The following SHANK2 variants were observed in gnomAD, a reference collection of about 807,000 sequenced individuals.
The protein encoded by SHANK2 is SH3 and multiple ankyrin repeat domains protein 2.
A neutral mutation model predicts 133.7 loss-of-function variants in SHANK2; 43 were observed. The observed-to-expected ratio is 0.32, with a 90% CI of 0.25 to 0.41. The LOEUF is 0.41. SHANK2 is among the 10% of genes least tolerant of loss of function. SHANK2 has a pLI of 1.00. For missense variants in SHANK2, 1,994 were observed against 2,235.8 expected (o/e 0.89, Z 2.18); for synonymous variants, 1,017 against 952.8 (o/e 1.07, Z -1.24).
At chr11:71,096,327 A>C (rs1951611311) in intron 6 of SHANK2, among the ~76,000 whole-genome samples, 1 of 152,206 alleles carries the variant, frequency 6.6e-6, no homozygotes, top group Non-Finnish European at 1.5e-5. Flanking sequence ...AGGCTCAGCA[A>C]GGGGTGTGGG....
At chr11:70,622,880 T>C (rs1430997820) in intron 17 of SHANK2, among the ~76,000 whole-genome samples, 7 of 151,594 alleles carry the variant, frequency 4.6e-5, no homozygotes, top group Non-Finnish European at 7.4e-5. Flanking sequence ...GAGTAGAGTC[T>C]AAATTCTTCT....
intron 11 of SHANK2, among the ~76,000 whole-genome samples, chr11:70,895,117 T>C (rs1949913272): frequency 6.6e-6 from 1 of 152,184 alleles, no homozygotes; most frequent in Non-Finnish European, 1.5e-5. Flanking sequence ...TGCAAGTCAG[T>C]GTCAGGCGCA....
At chr11:71,216,181 G>C (rs1028519013) in intron 2 of SHANK2, among the ~76,000 whole-genome samples, 2 of 152,222 alleles carry the variant, frequency 1.3e-5, no homozygotes. Context: ...GAATGTCCAA[G>C]TGTGTAAAAG....
intron 10 of SHANK2, among the ~76,000 whole-genome samples, chr11:70,899,362 G>A (rs1366768654): frequency 2.6e-5 from 4 of 152,166 alleles, no homozygotes; most frequent in African/African-American, 7.2e-5. Context: ...GGTGCCTTAT[G>A]TCATGACTGT....
intron 17 of SHANK2, among the ~76,000 whole-genome samples, chr11:70,509,400 G>A (rs1221892990): frequency 6.6e-6 from 1 of 152,066 alleles, no homozygotes. Flanking sequence ...ACTGGCTATT[G>A]GTCTCAGAGC....
At chr11:70,632,449 C>A (rs1198470) in intron 17 of SHANK2, among the ~76,000 whole-genome samples, 1 of 152,112 alleles carries the variant, frequency 6.6e-6, no homozygotes, top group Admixed American at 6.5e-5. Flanking sequence ...GGGCCCCGAA[C>A]AGCTGCAGGT....
At chr11:71,091,490 A>G (rs1951519063) in intron 8 of SHANK2, among the ~76,000 whole-genome samples, 1 of 152,160 alleles carries the variant, frequency 6.6e-6, no homozygotes, top group African/African-American at 2.4e-5. Flanking sequence ...CACTGTGTAG[A>G]GAACCAAGCA....
chr11:71,188,351 A>C lies in SHANK2; in HGVS notation c.-13+36346T>G, dbSNP rs1019438285. On this transcript the variant is annotated intron_variant, in intron 2 of 25. Coordinates refer to ENST00000601538, the MANE Select transcript of SHANK2 (RefSeq NM_012309.5). This position sits in a 1 kb window ranked among gnomAD's most constrained non-coding sequence, Gnocchi z 4.6. ...GAGAAGGTCAGCCCCAAACGCCCTC[A>C]GCAGCCCATGCCCAGGCCTCAGTAC... Among the ~76,000 whole-genome samples, 1 of 152,082 alleles carries C rather than the reference A, an allele frequency of 6.6e-6. No individual in the cohort carries two copies.
intron 1 of SHANK2, among the ~76,000 whole-genome samples, chr11:71,228,024 AG>A (rs1954671643): frequency 6.6e-6 from 1 of 152,072 alleles, no homozygotes; most frequent in South Asian, 2.1e-4. Flanking sequence ...AGACTGACCA[AG>A]AAAAAAAAAC....
intron 11 of SHANK2, among the ~76,000 whole-genome samples, chr11:70,823,777 G>A (rs1424475321): frequency 1.5e-4 from 21 of 144,808 alleles, no homozygotes; most frequent in Admixed American, 7.0e-4. Context: ...CAGAGGTGGC[G>A]TTGGCAGCAT....
Position 71,173,250 on chromosome 11 carries a change from C to T in SHANK2, c.-12-25912G>A, listed in dbSNP as rs77716713. 1.0e-3 allele frequency among the ~76,000 whole-genome samples: 155 copies of T among 152,272 alleles called. 1 individual carries two copies. The East Asian group carries it at 0.023, about 22-fold the overall frequency. On this transcript the variant is annotated intron_variant, in intron 2 of 25. Coordinates refer to ENST00000601538, the MANE Select transcript of SHANK2 (RefSeq NM_012309.5). ...ACCCCTCATGGAGGACAAGATGAAA[C>T]GGAAGAGGGAAATTGATTCCAGTAT...
intron 1 of SHANK2, among the ~76,000 whole-genome samples, chr11:71,248,632 G>A (rs1056992396): frequency 2.0e-5 from 3 of 152,108 alleles, no homozygotes; most frequent in Non-Finnish European, 2.9e-5. Flanking sequence ...GAAAATGCTC[G>A]GTGAGAGTCT....
intron 2 of SHANK2, among the ~76,000 whole-genome samples, chr11:71,213,725 C>G (rs1363570242): frequency 6.6e-6 from 1 of 152,194 alleles, no homozygotes; most frequent in Admixed American, 6.5e-5. Context: ...TGTCATCTCC[C>G]TCTCTGGCTC....
intron 21 of SHANK2, among the ~76,000 whole-genome samples, chr11:70,497,659 C>T (rs968322097): frequency 6.6e-6 from 1 of 152,240 alleles, no homozygotes; most frequent in African/African-American, 2.4e-5. Flanking sequence ...CTCTGGACCA[C>T]GGGCTGACTT....
At chr11:71,080,319 G>T (rs888420815) in intron 8 of SHANK2, among the ~76,000 whole-genome samples, 14 of 152,146 alleles carry the variant, frequency 9.2e-5, no homozygotes, top group Admixed American at 7.9e-4. Context: ...TTGCCCCAGC[G>T]ATGCCTAGCG....
At chr11:70,904,563 A>G (rs1950073001) in intron 10 of SHANK2, among the ~76,000 whole-genome samples, 1 of 148,338 alleles carries the variant, frequency 6.7e-6, no homozygotes, top group South Asian at 2.1e-4. Context: ...GCTGGAGTGC[A>G]GTGGTACAAT....
At chr11:70,546,647 T>A (rs1489811861) in intron 17 of SHANK2, among the ~76,000 whole-genome samples, 4 of 152,216 alleles carry the variant, frequency 2.6e-5, no homozygotes, top group African/African-American at 9.6e-5. Context: ...CCCTGCCGAC[T>A]GGGCTGGTGT....
chr11:70,700,709 C>T (rs1247725840), intron 14 of SHANK2, among the ~76,000 whole-genome samples: 7 of 152,158 alleles, frequency 4.6e-5, no homozygotes, highest in Middle Eastern at 3.2e-3. Flanking sequence ...CAGCCAGGCC[C>T]GTGCCTCGAC....
At chr11:70,862,887 AG>A in intron 11 of SHANK2, 1 of 259,018 alleles carries the variant, frequency 3.9e-6, no homozygotes, top group East Asian at 1.0e-4. Context: ...TGGGAGGAGG[AG>A]ACATGGGTGT....
Sources: allele counts gnomAD v4.1 joint callset (sites outside exome capture counted in the v4.1 genomes callset), GRCh38; gene constraint gnomAD v4.1.1; non-coding constraint Gnocchi (gnomAD v3.1); transcripts MANE v1.5; gene names NCBI Gene and HGNC (gene_info 2026-07-23, HGNC 2026-07-21).